The following PIWIL2 variants were observed in gnomAD, a reference collection of about 807,000 sequenced individuals.
The protein encoded by PIWIL2 is piwi like RNA-mediated gene silencing 2.
In PIWIL2, 81 loss-of-function variants were observed where a neutral mutation model predicts 116.5. The ratio of observed to expected loss-of-function variants is 0.70; its 90% CI spans 0.58 to 0.84. The LOEUF is 0.84. Among genes scored for constraint, PIWIL2 ranks in the 40% least tolerant of loss-of-function variants. The pLI, the probability that PIWIL2 is intolerant of heterozygous loss-of-function variation, is 0.00. For missense variants in PIWIL2, 1,272 were observed against 1,212.3 expected (o/e 1.05, Z -0.73); for synonymous variants, 489 against 429.5 (o/e 1.14, Z -1.71).
chr8:22,302,703 C>A (rs557322015), intron 10 of PIWIL2, among the ~76,000 whole-genome samples: 1 of 152,168 alleles, frequency 6.6e-6, no homozygotes, highest in Admixed American at 6.5e-5. Flanking sequence ...AGGCTTCCAT[C>A]TCTGCTAATG....
At chr8:22,309,255 C>T (rs1479170478) in intron 14 of PIWIL2, among the ~76,000 whole-genome samples, 2 of 152,092 alleles carry the variant, frequency 1.3e-5, no homozygotes, top group Admixed American at 6.5e-5. Flanking sequence ...CCACCACACC[C>T]GGCCCCCTTG....
At chr8:22,322,719 T>A (rs1831630649) in intron 20 of PIWIL2, among the ~76,000 whole-genome samples, 1 of 152,140 alleles carries the variant, frequency 6.6e-6, no homozygotes, top group East Asian at 1.9e-4. Flanking sequence ...TTTTGTATTT[T>A]TAGTAGACAC....
At chr8:22,284,723 A>G (rs1053865646) in intron 6 of PIWIL2, among the ~76,000 whole-genome samples, 4 of 149,612 alleles carry the variant, frequency 2.7e-5, no homozygotes, top group Non-Finnish European at 5.9e-5. Context: ...AACATCTGAC[A>G]TCTCTCTAGT....
At chr8:22,328,791 TTC>T (rs1831788112) in intron 20 of PIWIL2, among the ~76,000 whole-genome samples, 1 of 151,434 alleles carries the variant, frequency 6.6e-6, no homozygotes, top group Non-Finnish European at 1.5e-5. Flanking sequence ...CCTGTAACTT[TTC>T]TGAATGTGGT....
intron 20 of PIWIL2, among the ~76,000 whole-genome samples, chr8:22,332,749 C>T (rs1033637198): frequency 6.6e-6 from 1 of 152,068 alleles, no homozygotes; most frequent in Non-Finnish European, 1.5e-5. Flanking sequence ...CTGAAAATAA[C>T]TTTCACTAGT....
Position 22,290,430 on chromosome 8 carries a change from C to T in PIWIL2, c.1181+84C>T. On this transcript the variant is annotated intron_variant, in intron 10 of 22. Coordinates refer to ENST00000356766, the MANE Select transcript of PIWIL2 (RefSeq NM_018068.5). ...ACAGCTGGTAATAACACACATTAGA[C>T]ATTGTTCTGTTTGTTTGTTTTTTCC... The T allele has an allele frequency of 4.1e-6, 3 of 733,850 alleles. No homozygotes were observed. In the South Asian group the frequency reaches 5.2e-5, roughly 13 times the overall value. The allele number at this position is 733,850 out of a possible 1,614,324, so 45.5% of individuals were successfully genotyped here. A position where few individuals can be genotyped will look rare whatever the true frequency, so the allele number is the denominator to read the frequency against.
At chr8:22,340,037 TA>T (rs1306838568) in intron 20 of PIWIL2, among the ~76,000 whole-genome samples, 1 of 135,372 alleles carries the variant, frequency 7.4e-6, no homozygotes, top group East Asian at 2.4e-4. Context: ...CCTAACTGTA[TA>T]AAAAGAATTT....
chr8:22,353,238 G>A, intron 21 of PIWIL2, 26 bp downstream of exon 21: 1 of 1,586,954 alleles, frequency 6.3e-7, no homozygotes, highest in Non-Finnish European at 8.6e-7. Context: ...ATGTAGTATT[G>A]GAGGAAGAAT....
rs376699696 is a variant in PIWIL2 at position 22,283,153 on chromosome 8, C to T, written c.545C>T (p.Pro182Leu). ...CTFSTPSRGP[P>L]QLSSPPALPQ... Reference sequence around the variant, plus strand: ...TTCAGCACACCGTCCCGGGGTCCCCCGCAGCTGTCATCACCACCAGCTCTG... The same window carrying T: ...TTCAGCACACCGTCCCGGGGTCCCCTGCAGCTGTCATCACCACCAGCTCTG... The change falls in exon 5 of 23, where the codon CCG (proline) becomes CTG (leucine). Residue 182 changes from proline (P) to leucine (L), a missense_variant. By Grantham distance (98) the Pro-to-Leu change is moderately conservative (BLOSUM62 -3). Coordinates refer to ENST00000356766, the MANE Select transcript of PIWIL2 (RefSeq NM_018068.5). 30 of 1,614,066 alleles carry T rather than the reference C, an allele frequency of 1.9e-5. No homozygotes were observed. Among genetic ancestry groups the T allele is most frequent in the Non-Finnish European group, 2.3e-5 (27 of 1,180,040 alleles).
intron 20 of PIWIL2, among the ~76,000 whole-genome samples, chr8:22,334,326 T>C (rs1563414613): frequency 6.6e-6 from 1 of 151,354 alleles, no homozygotes; most frequent in Non-Finnish European, 1.5e-5. Flanking sequence ...TGGGGCCAGG[T>C]GGCTCACACC....
intron 20 of PIWIL2, among the ~76,000 whole-genome samples, chr8:22,347,841 G>T (rs1832265098): frequency 6.6e-6 from 1 of 151,940 alleles, no homozygotes; most frequent in African/African-American, 2.4e-5. Context: ...CATTCTTCAT[G>T]CCTTTTCCTG....
At chr8:22,292,563 G>C (rs1830790122) in intron 10 of PIWIL2, among the ~76,000 whole-genome samples, 1 of 152,250 alleles carries the variant, frequency 6.6e-6, no homozygotes, top group South Asian at 2.1e-4. Flanking sequence ...CAGAGGCCGT[G>C]TCTTTTTTGC....
intron 20 of PIWIL2, among the ~76,000 whole-genome samples, chr8:22,318,684 A>T (rs576598155): frequency 6.6e-6 from 1 of 152,294 alleles, no homozygotes; most frequent in East Asian, 1.9e-4. Context: ...GGTGAGAGGG[A>T]TCTCAAATCA....
chr8:22,351,440 C>CATATATATATATATATATATAT (rs71544885), intron 20 of PIWIL2, among the ~76,000 whole-genome samples: 24 of 52,926 alleles, frequency 4.5e-4, no homozygotes, highest in South Asian at 2.7e-3. Context: ...TGCATACATA[C>CATATATATATATATATATATAT]ATATATATAT....
intron 20 of PIWIL2, among the ~76,000 whole-genome samples, chr8:22,324,000 G>A (rs1831666617): frequency 6.6e-6 from 1 of 152,176 alleles, no homozygotes; most frequent in African/African-American, 2.4e-5. Flanking sequence ...GGTGGCTCAT[G>A]CCTATAATCC....
chr8:22,313,165 TATCTC>T (rs1411124984), intron 16 of PIWIL2, among the ~76,000 whole-genome samples: 9 of 152,214 alleles, frequency 5.9e-5, no homozygotes, highest in Admixed American at 2.0e-4. Flanking sequence ...CTTACCAACT[TATCTC>T]ATAGCGGCCT....
At chr8:22,282,529 A>G (rs1830534203) in intron 4 of PIWIL2, among the ~76,000 whole-genome samples, 1 of 151,426 alleles carries the variant, frequency 6.6e-6, no homozygotes, top group Non-Finnish European at 1.5e-5. Context: ...TTTCTCCTCT[A>G]TTCTGCTATG....
At chr8:22,325,042 A>G (rs1182705650) in intron 20 of PIWIL2, among the ~76,000 whole-genome samples, 1 of 152,242 alleles carries the variant, frequency 6.6e-6, no homozygotes, top group Non-Finnish European at 1.5e-5. Flanking sequence ...CAGCCGTAGC[A>G]GACTAATACA....
chr8:22,311,836 A>G (rs77659541), intron 16 of PIWIL2, among the ~76,000 whole-genome samples: 1,653 of 152,338 alleles, frequency 0.011, 42 homozygotes, highest in African/African-American at 0.037. Context: ...TAGGGAGAGA[A>G]AAAAGCAAGG....
Sources: gnomAD v4.1 joint callset for allele counts (sites outside exome capture counted in the v4.1 genomes callset) on GRCh38, gnomAD v4.1.1 for gene constraint, MANE v1.5 for transcripts, NCBI Gene and HGNC (gene_info 2026-07-23, HGNC 2026-07-21) for gene names.